Variants in RREB1 observed in about 807,000 individuals in gnomAD.
RREB1 encodes the protein ras-responsive element-binding protein 1.
RREB1 carries 27 observed loss-of-function variants against 117.8 expected under a neutral mutation model. The observed-to-expected ratio is 0.23, with a 90% CI of 0.17 to 0.32. RREB1 has a LOEUF of 0.32. Among genes scored for constraint, RREB1 ranks in the 10% least tolerant of loss-of-function variants. The probability of loss-of-function intolerance (pLI) is 1.00; values close to 1 mark genes in which losing one functional copy is unlikely to be tolerated. For synonymous variants in RREB1, 1,298 were observed against 1,026.7 expected, an observed-to-expected ratio of 1.26 and a Z score of -5.05; for missense variants, 2,577 against 2,378.2, an observed-to-expected ratio of 1.08 and a Z score of -1.74.
chr6:7,200,236 G>GTGTGTATA (rs1287967300), intron 6 of RREB1, among the ~76,000 whole-genome samples: 1 of 130,546 alleles, frequency 7.7e-6, no homozygotes, highest in Admixed American at 7.5e-5. Flanking sequence ...ATATATGTAT[G>GTGTGTATA]TGTGTATATG....
chr6:7,225,239 A>G (rs575706621), intron 8 of RREB1, among the ~76,000 whole-genome samples: 1 of 152,244 alleles, frequency 6.6e-6, no homozygotes, highest in Non-Finnish European at 1.5e-5. Flanking sequence ...GCTTGCACAC[A>G]TAAATACATG....
chr6:7,115,679 C>CT (rs1483496956), intron 1 of RREB1, among the ~76,000 whole-genome samples: 1 of 152,026 alleles, frequency 6.6e-6, no homozygotes, highest in East Asian at 1.9e-4. Flanking sequence ...CGTTCTGGTG[C>CT]TTTTCTGTCT....
chr6:7,248,479 G>T, intron 12 of RREB1, 32 bp from the exon 13 acceptor site: 2 of 1,598,352 alleles, frequency 1.3e-6, no homozygotes, highest in South Asian at 2.2e-5. Context: ...GTGCCTTTTG[G>T]TTAATGGAAA....
At chr6:7,151,230 C>T (rs1763108389) in intron 1 of RREB1, among the ~76,000 whole-genome samples, 1 of 152,044 alleles carries the variant, frequency 6.6e-6, no homozygotes, top group Non-Finnish European at 1.5e-5. Context: ...ACTAAAATTG[C>T]TTTTACTAGA....
In RREB1 at chr6:7,229,964, A is replaced by C; in HGVS notation, c.1865A>C (p.Glu622Ala). The C allele has an allele frequency of 1.9e-6, 3 of 1,603,526 alleles. No individual in the cohort carries two copies. Among genetic ancestry groups the C allele is most frequent in the Non-Finnish European group, 2.6e-6 (3 of 1,172,636 alleles). Residue 622 changes from glutamate (E) to alanine (A), a missense_variant, in exon 10 of 13, where the codon GAA (glutamate) becomes GCA (alanine). By Grantham distance (107) the Glu-to-Ala change is moderately radical. Transcript: ENST00000379938. The surrounding 1 kb of genome is among the most constrained non-coding windows in gnomAD (Gnocchi z 4.5). Reference protein sequence around the residue: ...AKIKQEITEGELKAFMTAPGG... With the variant: ...AKIKQEITEGALKAFMTAPGG... ...ATCAAGCAGGAGATCACAGAGGGGG[A>C]ACTCAAGGCCTTCATGACAGCGCCC...
chr6:7,198,510 A>G (rs1487212339), intron 6 of RREB1, among the ~76,000 whole-genome samples: 1 of 152,186 alleles, frequency 6.6e-6, no homozygotes. Context: ...CTCCACTTAG[A>G]AGGACATAAA....
intron 1 of RREB1, among the ~76,000 whole-genome samples, chr6:7,123,084 A>G (rs556590028): frequency 5.9e-5 from 9 of 151,648 alleles, no homozygotes; most frequent in Non-Finnish European, 1.3e-4. Flanking sequence ...GCTGTGGGGT[A>G]TTGGCATGTC....
At chr6:7,211,346 G>GGACA (rs1766586599) in intron 7 of RREB1, among the ~76,000 whole-genome samples, 1 of 140,808 alleles carries the variant, frequency 7.1e-6, no homozygotes, top group African/African-American at 3.1e-5. Context: ...ACAGATGGAT[G>GGACA]GATGGATGGA....
At chr6:7,120,793 T>G (rs1422809371) in intron 1 of RREB1, among the ~76,000 whole-genome samples, 1 of 149,682 alleles carries the variant, frequency 6.7e-6, no homozygotes, top group Non-Finnish European at 1.5e-5. Flanking sequence ...GCTACAGGTG[T>G]GCGCCACCAC....
intron 1 of RREB1, among the ~76,000 whole-genome samples, chr6:7,127,399 A>G (rs1472431908): frequency 1.3e-5 from 2 of 152,032 alleles, no homozygotes; most frequent in Non-Finnish European, 2.9e-5. Flanking sequence ...TCAACCCAGG[A>G]TATGTGGGCT....
rs930694355 is a variant in RREB1 at position 7,153,106 on chromosome 6, T to G, written c.-284-23549T>G. Among the ~76,000 whole-genome samples, 4 of 111,252 alleles carry G rather than the reference T, an allele frequency of 3.6e-5. 1 individual carries two copies. Among genetic ancestry groups the G allele is most frequent in the Admixed American group, 1.7e-4 (2 of 11,778 alleles). 73.0% of individuals were successfully genotyped at this position (111,252 alleles called of 152,430 possible). ...GGAGGTATTAATCTTTGTGAGAGGG[T>G]TTTTTTTTTTTTTTTTTTTTGAGGA... On this transcript the variant is annotated intron_variant, in intron 1 of 12. Coordinates refer to ENST00000379938, the MANE Select transcript of RREB1 (RefSeq NM_001003699.4).
chr6:7,165,566 C>CA (rs141866205), intron 1 of RREB1, among the ~76,000 whole-genome samples: 4,315 of 152,222 alleles, frequency 0.028, 189 homozygotes, highest in African/African-American at 0.097. Context: ...GTTCCCATTA[C>CA]ATACTGGGTT....
At chr6:7,121,240 G>T (rs967375920) in intron 1 of RREB1, among the ~76,000 whole-genome samples, 1 of 152,130 alleles carries the variant, frequency 6.6e-6, no homozygotes, top group Non-Finnish European at 1.5e-5. Context: ...GATTACAGGT[G>T]TGAGCTACCA....
chr6:7,247,304 T>G, intron 12 of RREB1, 83 bp downstream of exon 12: 10 of 1,217,316 alleles, frequency 8.2e-6, no homozygotes, highest in Non-Finnish European at 1.0e-5. Context: ...GAAGCGGCGC[T>G]GGAGGCCACC....
At chr6:7,138,202 G>A (rs994320503) in intron 1 of RREB1, among the ~76,000 whole-genome samples, 11 of 152,172 alleles carry the variant, frequency 7.2e-5, no homozygotes, top group Non-Finnish European at 1.6e-4. Context: ...ATGTTAATTA[G>A]GCATTTGTCC....
Position 7,246,617 on chromosome 6 carries a change from G to A in RREB1, c.4167G>A (p.Glu1389=). ...REEHGRGESH[E]PEEEHGTEES... is the part of the protein sequence containing the mutation. ...AGCACGGGCGTGGGGAGAGCCATGAGCCGGAGGAGGAGCATGGCACTGAGG... is the reference window on the plus strand; with the variant it reads ...AGCACGGGCGTGGGGAGAGCCATGAACCGGAGGAGGAGCATGGCACTGAGG... Residue 1389 remains glutamate (E), a synonymous_variant, in exon 12 of 13, where the codon GAG becomes GAA. Coordinates refer to ENST00000379938, the MANE Select transcript of RREB1 (RefSeq NM_001003699.4). 1 of 1,564,616 alleles carries A rather than the reference G, an allele frequency of 6.4e-7. No individual in the cohort carries two copies. Among genetic ancestry groups the A allele is most frequent in the Non-Finnish European group, 8.7e-7 (1 of 1,154,882 alleles).
intron 1 of RREB1, among the ~76,000 whole-genome samples, chr6:7,160,113 C>A (rs1465355297): frequency 7.1e-6 from 1 of 140,896 alleles, no homozygotes; most frequent in Non-Finnish European, 1.5e-5. Flanking sequence ...TGATCACTTT[C>A]TTTTTTGCAT....
intron 8 of RREB1, chr6:7,216,392 C>T (rs1187019861): frequency 1.3e-5 from 2 of 152,152 alleles, no homozygotes; most frequent in African/African-American, 4.8e-5. Flanking sequence ...ACTTCATTGA[C>T]CCTGGTCATC....
intron 6 of RREB1, among the ~76,000 whole-genome samples, chr6:7,204,879 C>CT (rs1766184060): frequency 1.3e-5 from 2 of 152,202 alleles, no homozygotes; most frequent in Admixed American, 6.5e-5. Context: ...GCAGCTATGA[C>CT]TAAGTAATCT....
Sources: allele counts gnomAD v4.1 joint callset (sites outside exome capture counted in the v4.1 genomes callset), GRCh38; gene constraint gnomAD v4.1.1; non-coding constraint Gnocchi (gnomAD v3.1); transcripts MANE v1.5; gene names NCBI Gene and HGNC (gene_info 2026-07-23, HGNC 2026-07-21).